Variants in IGF2BP3 observed in about 807,000 individuals in gnomAD.
IGF2BP3 encodes insulin-like growth factor 2 mRNA-binding protein 3.
Under a neutral mutation model 73.8 loss-of-function variants are expected in IGF2BP3, and 9 were observed. The ratio of observed to expected loss-of-function variants is 0.12; its 90% CI spans 0.07 to 0.21. The LOEUF is 0.21. Among genes scored for constraint, IGF2BP3 ranks in the 10% least tolerant of loss-of-function variants. The probability of loss-of-function intolerance (pLI) is 1.00; values close to 1 mark genes in which losing one functional copy is unlikely to be tolerated. For missense variants in IGF2BP3, 542 were observed against 714.0 expected (o/e 0.76, Z 2.75); for synonymous variants, 258 against 256.7 (o/e 1.01, Z -0.05).
intron 2 of IGF2BP3, among the ~76,000 whole-genome samples, chr7:23,422,777 C>T (rs1787387495): frequency 6.6e-6 from 1 of 152,138 alleles, no homozygotes; most frequent in East Asian, 1.9e-4. Context: ...AGACAAACAT[C>T]TGAGTTATTT....
At chr7:23,382,894 CAAA>C (rs57466793) in intron 3 of IGF2BP3, among the ~76,000 whole-genome samples, 1 of 49,114 alleles carries the variant, frequency 2.0e-5, no homozygotes, top group African/African-American at 9.2e-5. Context: ...CTAGCTCTAC[CAAA>C]AAAAAAAAAA....
At chr7:23,404,104 C>G (rs1350499230) in intron 3 of IGF2BP3, among the ~76,000 whole-genome samples, 2 of 151,486 alleles carry the variant, frequency 1.3e-5, no homozygotes, top group Non-Finnish European at 2.9e-5. Flanking sequence ...ATCGTGCCAC[C>G]TGACTCCAGC....
At chr7:23,433,993 G>A (rs1195799425) in intron 2 of IGF2BP3, among the ~76,000 whole-genome samples, 2 of 150,912 alleles carry the variant, frequency 1.3e-5, no homozygotes, top group South Asian at 4.2e-4. Flanking sequence ...CAAGAGAATC[G>A]CTTAAACCTG....
chr7:23,468,682 G>A (rs181398717), intron 1 of IGF2BP3, 140 bp from the exon 2 acceptor site: 541 of 801,014 alleles, frequency 6.8e-4, no homozygotes, highest in Non-Finnish European at 9.8e-4. Context: ...GGCTCCAGGC[G>A]GAGGGAGAAG....
At position 23,439,060 on chromosome 7, in the gene IGF2BP3, AAGTGAG is replaced by A. The variant is rs979046480; in HGVS notation, c.237-20242_237-20237del. 1.2e-4 allele frequency among the ~76,000 whole-genome samples: 19 copies of A among 152,222 alleles called. 2 individuals are homozygous for A. The highest frequency in any genetic ancestry group is 4.6e-4 in the African/African-American group (19 of 41,530). On this transcript the variant is annotated intron_variant, in intron 2 of 14. Transcript: ENST00000258729. Reference sequence around the variant, plus strand: ...GAGCTAAAGACCAGCCTGGGCAACGAAGTGAGACCTCATCTCAACAAAAATTTTTAA... The same window carrying A: ...GAGCTAAAGACCAGCCTGGGCAACGAACCTCATCTCAACAAAAATTTTTAA...
intron 10 of IGF2BP3, among the ~76,000 whole-genome samples, chr7:23,337,502 C>A (rs1273329532): frequency 6.6e-6 from 1 of 152,174 alleles, no homozygotes; most frequent in Non-Finnish European, 1.5e-5. Context: ...AAATAGCTGT[C>A]CCCAACATGT....
intron 3 of IGF2BP3, among the ~76,000 whole-genome samples, chr7:23,399,533 C>T (rs1319416928): frequency 1.3e-5 from 2 of 152,048 alleles, no homozygotes; most frequent in Non-Finnish European, 2.9e-5. Flanking sequence ...GTTCTCATGA[C>T]AACCTTGACT....
At chr7:23,436,720 A>T (rs1787816030) in intron 2 of IGF2BP3, among the ~76,000 whole-genome samples, 1 of 152,200 alleles carries the variant, frequency 6.6e-6, no homozygotes, top group African/African-American at 2.4e-5. Context: ...AAAAACTAGA[A>T]TTTTCTAAGA....
At chr7:23,390,848 G>C (rs1786250643) in intron 3 of IGF2BP3, among the ~76,000 whole-genome samples, 1 of 150,388 alleles carries the variant, frequency 6.6e-6, no homozygotes, top group African/African-American at 2.5e-5. Context: ...GCCCAGGCTG[G>C]AGTGCAGTGG....
intron 3 of IGF2BP3, among the ~76,000 whole-genome samples, chr7:23,385,490 C>T (rs1000432491): frequency 2.0e-5 from 3 of 152,052 alleles, no homozygotes; most frequent in African/African-American, 7.2e-5. Flanking sequence ...GATCACTGCT[C>T]TAAATCTAAC....
intron 2 of IGF2BP3, among the ~76,000 whole-genome samples, chr7:23,464,446 C>T (rs1356787594): frequency 6.6e-6 from 1 of 152,086 alleles, no homozygotes; most frequent in Admixed American, 6.6e-5. Context: ...TGTTGGGCAA[C>T]TATCACTGTT....
At chr7:23,392,527 T>TAC (rs368379331) in intron 3 of IGF2BP3, among the ~76,000 whole-genome samples, 5,048 of 149,110 alleles carry the variant, frequency 0.034, 281 homozygotes, top group African/African-American at 0.12. Flanking sequence ...CACACACACA[T>TAC]ACACACACAC....
chr7:23,444,798 G>C lies in IGF2BP3; in HGVS notation c.236+23684C>G, dbSNP rs185693872. On this transcript the variant is annotated intron_variant, in intron 2 of 14. Transcript: ENST00000258729. ...TTAAAACAGTGAGGTAGTTGGGTTC[G>C]GTGGCTCATGCCAGTAATCCCAGCA... Among the ~76,000 whole-genome samples the C allele has an allele frequency of 1.1e-3, 163 of 151,810 alleles. 1 individual carries two copies. Among genetic ancestry groups the C allele is most frequent in the African/African-American group, 3.7e-3 (154 of 41,378 alleles).
intron 3 of IGF2BP3, among the ~76,000 whole-genome samples, chr7:23,407,509 C>T (rs183166578): frequency 1.9e-4 from 28 of 150,282 alleles, no homozygotes; most frequent in East Asian, 1.2e-3. Context: ...CCTGGGAGGC[C>T]GAGGCAGGAG....
rs777275563 is a variant in IGF2BP3 at position 23,343,865 on chromosome 7, A to G, written c.942-12T>C. On this transcript the variant is annotated splice_polypyrimidine_tract_variant and intron_variant, in intron 8 of 14. Transcript: ENST00000258729. The stretch of plus-strand genomic sequence containing the variant: ...TCAATTCCTGCAATCTGCAGAATGA[A>G]AAAGAAGGGAAAGAAAAAGAATGAA... The G allele has an allele frequency of 1.9e-6, 3 of 1,605,706 alleles. No homozygotes were observed. In the Admixed American group the frequency reaches 5.0e-5, roughly 27 times the overall value.
chr7:23,431,402 T>C (rs146719819), intron 2 of IGF2BP3: 1 of 152,330 alleles, frequency 6.6e-6, no homozygotes, highest in African/African-American at 2.4e-5. Flanking sequence ...TTTTATAGTT[T>C]AGCAGAAGAA....
chr7:23,394,856 G>A (rs1391442819), intron 3 of IGF2BP3, among the ~76,000 whole-genome samples: 5 of 152,208 alleles, frequency 3.3e-5, no homozygotes, highest in African/African-American at 7.2e-5. Context: ...TGTCCTTTAT[G>A]GGAAAGATAC....
intron 3 of IGF2BP3, among the ~76,000 whole-genome samples, chr7:23,389,776 T>G (rs1204005338): frequency 6.7e-6 from 1 of 150,354 alleles, no homozygotes; most frequent in Non-Finnish European, 1.5e-5. Context: ...GGAGGATCCC[T>G]TGAGGTCAAG....
intron 3 of IGF2BP3, among the ~76,000 whole-genome samples, chr7:23,398,937 G>A (rs1361746401): frequency 6.6e-6 from 1 of 152,086 alleles, no homozygotes; most frequent in African/African-American, 2.4e-5. Context: ...GTCAATTTTG[G>A]CTTTGGTTGC....
Sources: gnomAD v4.1 joint callset for allele counts (sites outside exome capture counted in the v4.1 genomes callset) on GRCh38, gnomAD v4.1.1 for gene constraint, MANE v1.5 for transcripts, NCBI Gene and HGNC (gene_info 2026-07-23, HGNC 2026-07-21) for gene names.